The following LRMDA variants were observed in gnomAD, a reference collection of about 807,000 sequenced individuals.
The protein encoded by LRMDA is leucine-rich melanocyte differentiation-associated protein.
A neutral mutation model predicts 29.8 loss-of-function variants in LRMDA; 18 were observed. That is an observed-to-expected ratio of 0.60 (90% CI 0.42 to 0.90). The LOEUF (loss-of-function observed/expected upper bound fraction) is 0.90, where lower values mean the gene tolerates loss of function less well. Among genes scored for constraint, LRMDA ranks in the 40% least tolerant of loss-of-function variants. The pLI, the probability that LRMDA is intolerant of heterozygous loss-of-function variation, is 0.00. For missense variants in LRMDA, 273 were observed against 273.9 expected, an observed-to-expected ratio of 1.00 and a Z score of 0.02; for synonymous variants, 125 against 109.4, an observed-to-expected ratio of 1.14 and a Z score of -0.89.
intron 4 of LRMDA, among the ~76,000 whole-genome samples, chr10:76,048,911 A>G (rs905620464): frequency 3.9e-5 from 6 of 152,098 alleles, no homozygotes; most frequent in African/African-American, 1.2e-4. Context: ...GATATGAAAA[A>G]AGGGCTTGGC....
At chr10:75,576,508 C>T (rs368184284) in intron 2 of LRMDA, among the ~76,000 whole-genome samples, 1 of 152,356 alleles carries the variant, frequency 6.6e-6, no homozygotes, top group South Asian at 2.1e-4. Context: ...CCCAGCACAG[C>T]GTTGGAGCTC....
intron 5 of LRMDA, among the ~76,000 whole-genome samples, chr10:76,127,446 G>C (rs1178405174): frequency 6.6e-6 from 1 of 152,160 alleles, no homozygotes; most frequent in Non-Finnish European, 1.5e-5. Context: ...GTTCCCACCA[G>C]GTGAACTGTA....
intron 5 of LRMDA, among the ~76,000 whole-genome samples, chr10:76,131,244 C>T (rs1207533756): frequency 6.6e-6 from 1 of 152,122 alleles, no homozygotes; most frequent in Admixed American, 6.5e-5. Flanking sequence ...CCCACCCACC[C>T]ACTTTCCTAT....
intron 5 of LRMDA, among the ~76,000 whole-genome samples, chr10:76,144,699 G>A (rs948923324): frequency 4.6e-5 from 7 of 152,000 alleles, no homozygotes; most frequent in South Asian, 2.1e-4. Context: ...TCTCCTGCCT[G>A]ATTGCCCTGG....
intron 6 of LRMDA, among the ~76,000 whole-genome samples, chr10:76,477,607 C>T (rs4745818): frequency 0.29 from 44,629 of 151,960 alleles, 7,116 homozygotes; most frequent in Non-Finnish European, 0.36. Context: ...AATCCTAAGC[C>T]GAAAGAACAA....
intron 5 of LRMDA, among the ~76,000 whole-genome samples, chr10:76,158,498 A>T (rs1850583962): frequency 6.6e-6 from 1 of 152,038 alleles, no homozygotes; most frequent in Non-Finnish European, 1.5e-5. Context: ...TAGAGTAGAA[A>T]GCTCAGTCTT....
intron 1 of LRMDA, among the ~76,000 whole-genome samples, chr10:75,433,713 T>G (rs890686209): frequency 3.3e-5 from 5 of 152,142 alleles, no homozygotes; most frequent in Non-Finnish European, 7.3e-5. Context: ...AAACTTCCCA[T>G]GAGCCCATAG....
chr10:76,012,359 C>G (rs914499653), intron 2 of LRMDA, among the ~76,000 whole-genome samples: 2 of 152,146 alleles, frequency 1.3e-5, no homozygotes, highest in Non-Finnish European at 2.9e-5. Context: ...CCAGATACAG[C>G]ATGAGAGCTT....
At chr10:76,160,837 A>G (rs1483599147) in intron 5 of LRMDA, among the ~76,000 whole-genome samples, 1 of 152,118 alleles carries the variant, frequency 6.6e-6, no homozygotes, top group Admixed American at 6.6e-5. Context: ...TACAAAGAGT[A>G]ATTTTTATTT....
At chr10:76,255,528 T>C (rs1852577569) in intron 5 of LRMDA, among the ~76,000 whole-genome samples, 1 of 152,228 alleles carries the variant, frequency 6.6e-6, no homozygotes, top group Non-Finnish European at 1.5e-5. Flanking sequence ...ATTCTTATTA[T>C]TCAGTCCACA....
At chr10:75,554,260 A>G (rs1052030403) in intron 2 of LRMDA, among the ~76,000 whole-genome samples, 3 of 152,162 alleles carry the variant, frequency 2.0e-5, no homozygotes, top group Admixed American at 2.0e-4. Context: ...ATTTTAAGTG[A>G]CACTGGTCAG....
chr10:75,629,917 T>C (rs1389574386), intron 2 of LRMDA, among the ~76,000 whole-genome samples: 2 of 152,246 alleles, frequency 1.3e-5, no homozygotes, highest in African/African-American at 2.4e-5. Context: ...GCCTGAATCA[T>C]CTGCAATCAG....
chr10:76,356,743 C>T (rs1278082549), intron 6 of LRMDA, among the ~76,000 whole-genome samples: 3 of 152,110 alleles, frequency 2.0e-5, no homozygotes, highest in East Asian at 1.9e-4. Context: ...CTTGTGTGTG[C>T]GTGTGTTTTT....
intron 2 of LRMDA, among the ~76,000 whole-genome samples, chr10:75,553,316 C>T (rs1339501594): frequency 2.6e-5 from 4 of 152,176 alleles, no homozygotes; most frequent in African/African-American, 9.7e-5. Flanking sequence ...GCTACCTTTG[C>T]TTAGTGGTGA....
At chr10:75,707,792 TGTGTTTAAACCTCAGTCTG>T (rs1842388002) in intron 2 of LRMDA, among the ~76,000 whole-genome samples, 1 of 152,182 alleles carries the variant, frequency 6.6e-6, no homozygotes. Context: ...CTGCCAGTAC[TGTGTTTAAACCTCAGTCTG>T]GTATTTTTCC....
chr10:75,476,849 T>C (rs1365755183), intron 2 of LRMDA, among the ~76,000 whole-genome samples: 2 of 152,154 alleles, frequency 1.3e-5, no homozygotes, highest in Non-Finnish European at 2.9e-5. Context: ...AAGTCCAAGA[T>C]GAAAGTGTCA....
chr10:75,874,821 A>C lies in LRMDA; in HGVS notation c.132-161187A>C, dbSNP rs185800182. Among the ~76,000 whole-genome samples, 276 of 152,370 alleles carry C rather than the reference A, an allele frequency of 1.8e-3. No homozygotes were observed. The Middle Eastern group carries it at 0.02, about 11-fold the overall frequency. On this transcript the variant is annotated intron_variant, in intron 2 of 6. Transcript: ENST00000611255. ...ACTAATGACAGAGGATAAGTCACAG[A>C]AGATGAGGTCCTCTGCTCCACTCAC...
chr10:76,429,970 G>T (rs1842174029), intron 6 of LRMDA, among the ~76,000 whole-genome samples: 1 of 152,156 alleles, frequency 6.6e-6, no homozygotes, highest in South Asian at 2.1e-4. Context: ...GAATTAATTT[G>T]TTTGGACAGT....
chr10:75,516,609 C>A (rs571069764), intron 2 of LRMDA, among the ~76,000 whole-genome samples: 4 of 152,148 alleles, frequency 2.6e-5, no homozygotes, highest in African/African-American at 9.6e-5. Context: ...AGCCCATTGT[C>A]AGATTGGTAG....
Sources: allele counts gnomAD v4.1 joint callset (sites outside exome capture counted in the v4.1 genomes callset), GRCh38; gene constraint gnomAD v4.1.1; transcripts MANE v1.5; gene names NCBI Gene and HGNC (gene_info 2026-07-23, HGNC 2026-07-21).